The following PCCB variants were observed in gnomAD, a reference collection of about 807,000 sequenced individuals.
PCCB encodes propionyl-CoA carboxylase subunit beta.
In PCCB, 43 loss-of-function variants were observed where a neutral mutation model predicts 60.7. The ratio of observed to expected loss-of-function variants is 0.71; its 90% CI spans 0.55 to 0.91. PCCB has a LOEUF of 0.91. PCCB is among the 40% of genes least tolerant of loss of function. The pLI, the probability that PCCB is intolerant of heterozygous loss-of-function variation, is 0.00. For missense variants in PCCB, 766 were observed against 702.8 expected, an observed-to-expected ratio of 1.09 and a Z score of -1.02; for synonymous variants, 276 against 255.9, an observed-to-expected ratio of 1.08 and a Z score of -0.75.
At chr3:136,256,267 T>C (rs1280746157) in intron 2 of PCCB, 2 of 566,294 alleles carry the variant, frequency 3.5e-6, no homozygotes, top group South Asian at 2.0e-5. Flanking sequence ...ACGTCCTCCT[T>C]CATGTAAGCA....
At chr3:136,319,651 G>A (rs1484703595) in intron 10 of PCCB, among the ~76,000 whole-genome samples, 1 of 152,146 alleles carries the variant, frequency 6.6e-6, no homozygotes, top group Non-Finnish European at 1.5e-5. Flanking sequence ...GCCCACCTTG[G>A]CCTCCCAAAG....
At chr3:136,253,528 G>T (rs891425851) in intron 1 of PCCB, among the ~76,000 whole-genome samples, 3 of 151,444 alleles carry the variant, frequency 2.0e-5, no homozygotes, top group African/African-American at 7.3e-5. Flanking sequence ...GGGATTTAAG[G>T]CACGTGCCAC....
At chr3:136,300,938 A>C in intron 8 of PCCB, 92 bp from the exon 9 acceptor site, 1 of 878,616 alleles carries the variant, frequency 1.1e-6, no homozygotes, top group Non-Finnish European at 1.9e-6. Context: ...AGTCCCTATG[A>C]CGTGTCACCC....
chr3:136,290,871 T>TA (rs1413638356), intron 6 of PCCB, among the ~76,000 whole-genome samples: 1 of 151,882 alleles, frequency 6.6e-6, no homozygotes, highest in African/African-American at 2.4e-5. Context: ...AGTTTTTAGA[T>TA]ACTCCAGTTT....
At chr3:136,277,466 T>G (rs1279950) in intron 5 of PCCB, among the ~76,000 whole-genome samples, 152,103 of 152,108 alleles carry the variant, frequency 1, 76,049 homozygotes, top group Non-Finnish European at 1. Context: ...GACAACGGGG[T>G]CCATAAAGCT....
At chr3:136,259,279 C>A in intron 3 of PCCB, 2 of 542,262 alleles carry the variant, frequency 3.7e-6, no homozygotes, top group Non-Finnish European at 5.7e-6. Flanking sequence ...CTGGCCTAGC[C>A]AACATGGCAA....
chr3:136,314,739 A>T (rs1934814567), intron 9 of PCCB, among the ~76,000 whole-genome samples: 1 of 152,310 alleles, frequency 6.6e-6, no homozygotes, highest in African/African-American at 2.4e-5. Flanking sequence ...GTCAGGCAAG[A>T]ATCATGGCTG....
chr3:136,297,989 C>T lies in PCCB; in HGVS notation c.801C>T (p.Ala267=), dbSNP rs759508806. The change falls in exon 8 of 15, where the codon GCC becomes GCT. Residue 267 remains alanine (A), a synonymous_variant. Transcript: ENST00000251654. ...AHRAFENDVD[A]LCNLRDFFNY... ...GAGCTTTTGAAAATGATGTTGATGC[C>T]TTGTGTAATCTCCGGGATTTCTTCA... The T allele has an allele frequency of 8.1e-6, 13 of 1,614,010 alleles. No homozygotes were observed. Among genetic ancestry groups the T allele is most frequent in the Non-Finnish European group, 1.1e-5 (13 of 1,179,946 alleles).
At chr3:136,268,124 A>G (rs866974935) in intron 5 of PCCB, among the ~76,000 whole-genome samples, 1,541 of 132,074 alleles carry the variant, frequency 0.012, 62 homozygotes, top group African/African-American at 0.035. Context: ...ATATATATGT[A>G]TATATATATA....
At chr3:136,313,943 AC>A (rs1231836523) in intron 9 of PCCB, among the ~76,000 whole-genome samples, 3 of 152,092 alleles carry the variant, frequency 2.0e-5, no homozygotes, top group African/African-American at 7.2e-5. Flanking sequence ...TCTAGAATGA[AC>A]CCTATAGTTG....
intron 6 of PCCB, among the ~76,000 whole-genome samples, chr3:136,287,407 G>GT (rs990450010): frequency 6.6e-6 from 1 of 150,566 alleles, no homozygotes; most frequent in Non-Finnish European, 1.5e-5. Context: ...GTGTGTGTGT[G>GT]TTTTTTCTTT....
chr3:136,275,689 AGG>A (rs1308883200), intron 5 of PCCB, among the ~76,000 whole-genome samples: 1 of 152,172 alleles, frequency 6.6e-6, no homozygotes, highest in African/African-American at 2.4e-5. Context: ...TAATGCTTTT[AGG>A]GGGAAGACTG....
Position 136,301,116 on chromosome 3 carries a change from G to C in PCCB, c.966+5G>C. On this transcript the variant is annotated splice_donor_5th_base_variant and intron_variant, in intron 9 of 14. Transcript: ENST00000251654. ...ATGGTGGACATCATACACTCTGTAA[G>C]TGCCACATCTGTTTGTCTTGCCTGT... 1 of 1,606,858 alleles carries C rather than the reference G, an allele frequency of 6.2e-7. No homozygotes were observed. Among genetic ancestry groups the C allele is most frequent in the Non-Finnish European group, 8.5e-7 (1 of 1,173,300 alleles).
At chr3:136,315,895 G>T (rs1934871657) in intron 9 of PCCB, among the ~76,000 whole-genome samples, 1 of 147,844 alleles carries the variant, frequency 6.8e-6, no homozygotes, top group African/African-American at 2.6e-5. Flanking sequence ...TTATAAAAAA[G>T]AATGTTCTTA....
At chr3:136,261,037 C>A (rs925333319) in intron 4 of PCCB, among the ~76,000 whole-genome samples, 3 of 152,066 alleles carry the variant, frequency 2.0e-5, no homozygotes, top group African/African-American at 7.3e-5. Context: ...GATCAGCTAG[C>A]GTTAGTAAAG....
chr3:136,311,760 G>C lies in PCCB; in HGVS notation c.967-5181G>C, dbSNP rs921764232. Among the ~76,000 whole-genome samples the C allele has an allele frequency of 3.9e-5, 6 of 152,280 alleles. 1 individual carries two copies. The South Asian group carries it at 1.0e-3, about 26-fold the overall frequency. ...AGATCCTTTGAGCCCAGGAGTTTGA[G>C]ACCATCCTGGGCAACATAGTGAGAC... On this transcript the variant is annotated intron_variant, in intron 9 of 14. Transcript: ENST00000251654.
At chr3:136,319,460 G>A (rs112650535) in intron 10 of PCCB, among the ~76,000 whole-genome samples, 1,865 of 150,798 alleles carry the variant, frequency 0.012, 31 homozygotes, top group East Asian at 0.047. Flanking sequence ...GCAATGGTAC[G>A]ATCTCGGCTT....
At chr3:136,292,572 A>G (rs1367366054) in intron 6 of PCCB, among the ~76,000 whole-genome samples, 2 of 152,208 alleles carry the variant, frequency 1.3e-5, no homozygotes, top group Non-Finnish European at 1.5e-5. Context: ...TACAAATCCT[A>G]CTATACTGAT....
chr3:136,285,088 CAAAAAAAA>C lies in PCCB; in HGVS notation c.654+1154_654+1161del, dbSNP rs61543332. The stretch of plus-strand genomic sequence containing the variant: ...TGGGTGACAGAGGAAGACCCTGCCT[CAAAAAAAA>C]AAAAAAAAAAAAGGTAAGATGACCA... On this transcript the variant is annotated intron_variant, in intron 6 of 14. Transcript: ENST00000251654. 7.5e-5 allele frequency among the ~76,000 whole-genome samples: 8 copies of C among 107,132 alleles called. No individual in the cohort carries two copies. In the East Asian group the frequency reaches 2.3e-3, roughly 31 times the overall value. 70.3% of individuals were successfully genotyped at this position (107,132 alleles called of 152,430 possible). A position where few individuals can be genotyped will look rare whatever the true frequency, so the allele number is the denominator to read the frequency against.
Sources: gnomAD v4.1 joint callset for allele counts (sites outside exome capture counted in the v4.1 genomes callset) on GRCh38, gnomAD v4.1.1 for gene constraint, MANE v1.5 for transcripts, NCBI Gene and HGNC (gene_info 2026-07-23, HGNC 2026-07-21) for gene names.